Variants in ELAVL2 observed in about 807,000 individuals in gnomAD.
ELAVL2 encodes the protein ELAV-like protein 2.
A neutral mutation model predicts 34.6 loss-of-function variants in ELAVL2; 4 were observed. The ratio of observed to expected loss-of-function variants is 0.12; its 90% CI spans 0.06 to 0.26. The LOEUF (loss-of-function observed/expected upper bound fraction) is 0.26. ELAVL2 is among the 10% of genes least tolerant of loss of function. The probability of loss-of-function intolerance (pLI) is 1.00; values close to 1 mark genes in which losing one functional copy is unlikely to be tolerated. For missense variants in ELAVL2, 432 were observed against 442.8 expected (o/e 0.98, Z 0.22); for synonymous variants, 193 against 154.8 (o/e 1.25, Z -1.83).
chr9:23,848,489 A>G, the ELAVL2 span, among the ~76,000 whole-genome samples: 42 of 152,320 alleles, frequency 2.8e-4, no homozygotes, highest in South Asian at 4.1e-4. Flanking sequence ...ACTAAAATCA[A>G]TATTGATGAC....
intron 1 of ELAVL2, among the ~76,000 whole-genome samples, chr9:23,818,060 A>G (rs934892817): frequency 3.9e-5 from 6 of 152,332 alleles, no homozygotes; most frequent in Non-Finnish European, 4.4e-5. Flanking sequence ...TAGAACATAC[A>G]AAAGTGTGGA....
At chr9:23,805,246 A>C (rs1467071726) in intron 1 of ELAVL2, among the ~76,000 whole-genome samples, 1 of 152,234 alleles carries the variant, frequency 6.6e-6, no homozygotes, top group African/African-American at 2.4e-5. Context: ...ATATGGCTAA[A>C]TGGCTATAAC....
At chr9:23,794,497 T>C (rs1017816550) in intron 1 of ELAVL2, among the ~76,000 whole-genome samples, 6 of 152,210 alleles carry the variant, frequency 3.9e-5, no homozygotes, top group Admixed American at 1.3e-4. Flanking sequence ...AGTGAAAATA[T>C]ATACCCTAAT....
At position 23,701,463 on chromosome 9, in the gene ELAVL2, G is replaced by T; in HGVS notation, c.629C>A (p.Thr210Asn). 2 of 1,614,084 alleles carry T rather than the reference G, an allele frequency of 1.2e-6. No homozygotes were observed. The highest frequency in any genetic ancestry group is 1.7e-6 in the Non-Finnish European group (2 of 1,180,008). Residue 210 changes from threonine to asparagine, a missense_variant, in exon 5 of 7, where the codon ACC becomes AAC. By Grantham distance (65) the Thr-to-Asn change is moderately conservative (BLOSUM62 0). This residue lies in a region of ELAVL2 where 295 missense variants were observed against 306.1 expected (regional missense o/e 0.96). Coordinates refer to ENST00000397312, the MANE Select transcript of ELAVL2 (RefSeq NM_004432.5). Reference protein sequence around the residue: ...VKFANNPSQKTNQAILSQLYQ... With the variant: ...VKFANNPSQKNNQAILSQLYQ... ...CAGCTGGGAAAGGATGGCCTGATTG[G>T]TTTTTTGGCTTGGGTTATTAGCAAA... is the stretch of plus-strand genomic sequence containing the variant.
At chr9:23,801,739 TAGAA>T (rs773045508) in intron 1 of ELAVL2, among the ~76,000 whole-genome samples, 15 of 152,314 alleles carry the variant, frequency 9.8e-5, no homozygotes, top group African/African-American at 1.7e-4. Flanking sequence ...CATTTGAAAC[TAGAA>T]AGAAATTAAT....
At chr9:23,704,757 C>A (rs898579996) in intron 4 of ELAVL2, among the ~76,000 whole-genome samples, 161 bp downstream of exon 4, 1 of 152,256 alleles carries the variant, frequency 6.6e-6, no homozygotes, top group East Asian at 1.9e-4. Context: ...TATTTTTATC[C>A]ATGCATATTT....
At chr9:23,707,484 GCTCCAGGGCAGGCATCTACACATT>G (rs1254085256) in intron 3 of ELAVL2, among the ~76,000 whole-genome samples, 1 of 151,712 alleles carries the variant, frequency 6.6e-6, no homozygotes, top group East Asian at 1.9e-4. Flanking sequence ...TGTCCCATGG[GCTCCAGGGCAGGCATCTACACATT>G]CTCCAAGGAG....
chr9:23,732,428 A>T (rs946604294), intron 2 of ELAVL2, among the ~76,000 whole-genome samples: 5 of 152,182 alleles, frequency 3.3e-5, no homozygotes, highest in African/African-American at 1.2e-4. Context: ...TTTCCTTTTT[A>T]AAAAAGAGAA....
rs76043618 is a variant in ELAVL2, at chr9:23,764,617, G to A, written c.-15-2368C>T. Among the ~76,000 whole-genome samples the A allele has an allele frequency of 3.8e-3, 570 of 151,814 alleles. 16 individuals carry two copies. The East Asian group carries it at 0.065, about 17-fold the overall frequency. ...ATTTACAATTTCAACTTTTTTTTTG[G>A]AGCATAAAGAATTGTAAATAACTTC... On this transcript the variant is annotated intron_variant, in intron 1 of 6. Coordinates refer to ENST00000397312, the MANE Select transcript of ELAVL2 (RefSeq NM_004432.5).
intron 1 of ELAVL2, among the ~76,000 whole-genome samples, chr9:23,816,137 C>A (rs2063669444): frequency 6.6e-6 from 1 of 151,874 alleles, no homozygotes; most frequent in Non-Finnish European, 1.5e-5. Flanking sequence ...TAGGAAGAGA[C>A]AGCTACAGCT....
intron 2 of ELAVL2, among the ~76,000 whole-genome samples, chr9:23,732,265 C>G (rs565466031): frequency 4.3e-4 from 65 of 152,240 alleles, no homozygotes; most frequent in African/African-American, 1.5e-3. Context: ...GACAGCTACT[C>G]TGGTTATCCT....
rs1425151140 is a variant in ELAVL2, at chr9:23,705,112, C to A, written c.334-41G>T. On this transcript the variant is annotated intron_variant, in intron 3 of 6. Coordinates refer to ENST00000397312, the MANE Select transcript of ELAVL2 (RefSeq NM_004432.5). ...AAAATTAAATGTATATGCATGCTCA[C>A]TCACCCACCTCCCTTTAGAAACTCA... The A allele has an allele frequency of 1.9e-6, 3 of 1,608,420 alleles. No homozygotes were observed. The African/African-American group carries it at 4.0e-5, about 22-fold the overall frequency.
intron 5 of ELAVL2, among the ~76,000 whole-genome samples, chr9:23,694,558 G>C (rs10966027): frequency 0.1 from 15,565 of 152,186 alleles, 1,055 homozygotes; most frequent in Non-Finnish European, 0.15. Flanking sequence ...GTGGGGGTGA[G>C]AATTTTTTCT....
intron 3 of ELAVL2, among the ~76,000 whole-genome samples, chr9:23,730,749 T>C (rs2046323725): frequency 6.6e-6 from 1 of 152,082 alleles, no homozygotes; most frequent in African/African-American, 2.4e-5. Flanking sequence ...AGTAATTCTC[T>C]ATAAGGGAAG....
At chr9:23,769,086 G>A (rs1157262016) in intron 1 of ELAVL2, among the ~76,000 whole-genome samples, 1 of 152,114 alleles carries the variant, frequency 6.6e-6, no homozygotes, top group Non-Finnish European at 1.5e-5. Context: ...CACCAGGACA[G>A]AATCAGCCCA....
At chr9:23,804,183 T>A (rs1166565078) in intron 1 of ELAVL2, among the ~76,000 whole-genome samples, 2 of 150,906 alleles carry the variant, frequency 1.3e-5, no homozygotes, top group East Asian at 1.9e-4. Context: ...ATTTATTTAT[T>A]TTTTTTTTGA....
intron 3 of ELAVL2, among the ~76,000 whole-genome samples, chr9:23,706,224 C>T (rs1031557600): frequency 6.6e-6 from 1 of 152,046 alleles, no homozygotes; most frequent in African/African-American, 2.4e-5. Context: ...CCCACAAGGA[C>T]GAAAGACAAA....
At chr9:23,774,499 A>G (rs958145990) in intron 1 of ELAVL2, among the ~76,000 whole-genome samples, 4 of 152,346 alleles carry the variant, frequency 2.6e-5, no homozygotes, top group African/African-American at 9.6e-5. Flanking sequence ...TAAGGAAGTT[A>G]AAAATTTTTA....
chr9:23,692,945 T>G, intron 6 of ELAVL2, 61 bp from the exon 7 acceptor site: 1 of 1,501,060 alleles, frequency 6.7e-7, no homozygotes, highest in East Asian at 2.3e-5. Flanking sequence ...AGGTTGGTTA[T>G]AGCAATGAAC....
Sources: gnomAD v4.1 joint callset for allele counts (sites outside exome capture counted in the v4.1 genomes callset) on GRCh38, gnomAD v4.1.1 for gene constraint, gnomAD v4.1.1 regional missense constraint, MANE v1.5 for transcripts, NCBI Gene and HGNC (gene_info 2026-07-23, HGNC 2026-07-21) for gene names.